Variants in PCDHA6 observed in about 807,000 individuals in gnomAD.
PCDHA6 encodes protocadherin alpha-6.
In PCDHA6, 55 loss-of-function variants were observed where a neutral mutation model predicts 60.3. That is an observed-to-expected ratio of 0.91 (90% confidence interval 0.73 to 1.14). The LOEUF (loss-of-function observed/expected upper bound fraction) is 1.14. Among genes scored for constraint, PCDHA6 ranks in the 50% most tolerant of loss-of-function variants. PCDHA6 has a pLI of 0.00. For synonymous variants in PCDHA6, 652 were observed against 557.9 expected, an observed-to-expected ratio of 1.17 and a Z score of -2.38; for missense variants, 1,327 against 1,256.5, an observed-to-expected ratio of 1.06 and a Z score of -0.85.
chr5:140,999,056 C>T (rs1256829495), intron 3 of PCDHA6, among the ~76,000 whole-genome samples: 4 of 152,212 alleles, frequency 2.6e-5, no homozygotes, highest in Non-Finnish European at 5.9e-5. Context: ...TCCACCATGC[C>T]TAAGTAGTCT....
intron 1 of PCDHA6, chr5:140,849,923 G>A (rs145904051): frequency 6.3e-7 from 1 of 1,598,322 alleles, no homozygotes; most frequent in Middle Eastern, 1.7e-4. Context: ...ACATCTTCAC[G>A]GTGTCTGCGC....
At position 140,871,409 on chromosome 5, in the gene PCDHA6, T is replaced by C. The variant is rs2053060094; in HGVS notation, c.2394+40924T>C. The C allele has an allele frequency of 1.2e-6, 2 of 1,613,974 alleles. No homozygotes were observed. Among genetic ancestry groups the C allele is most frequent in the African/African-American group, 1.3e-5 (1 of 74,954 alleles). On this transcript the variant is annotated intron_variant, in intron 1 of 3. Coordinates refer to ENST00000529310, the MANE Select transcript of PCDHA6 (RefSeq NM_018909.4). ...GAGGGCCCACCTAAGACGGACCTCATGGCCTTCAGCCCCAGTCTTCCTCTA... is the reference window on the plus strand; with the variant it reads ...GAGGGCCCACCTAAGACGGACCTCACGGCCTTCAGCCCCAGTCTTCCTCTA...
chr5:140,829,946 C>G lies in PCDHA6; in HGVS notation c.1855C>G (p.Arg619Gly). 4 of 1,613,986 alleles carry G rather than the reference C, an allele frequency of 2.5e-6. No homozygotes were observed. The highest frequency in any genetic ancestry group is 3.4e-6 in the Non-Finnish European group (4 of 1,179,914). Residue 619 changes from arginine (R) to glycine (G), a missense_variant, in exon 1 of 4, where the codon CGC becomes GGC. Transcript: ENST00000529310. ...GCTGCAGCCCCCGGCAAGCAGCGCT[C>G]GCTTCCCGTTTCGCGTGGGGCTGTA... ...YELQPPASSARFPFRVGLYTG... is the reference protein window; with the variant it reads ...YELQPPASSAGFPFRVGLYTG...
chr5:141,006,069 C>T (rs1588119997), intron 3 of PCDHA6, among the ~76,000 whole-genome samples: 1 of 148,482 alleles, frequency 6.7e-6, no homozygotes, highest in African/African-American at 2.5e-5. Flanking sequence ...AAATAAAAAT[C>T]AGATTATTGA....
chr5:140,857,656 G>C (rs1269090821), intron 1 of PCDHA6: 1 of 1,596,806 alleles, frequency 6.3e-7, no homozygotes, highest in Non-Finnish European at 8.6e-7. Flanking sequence ...AGGTGAGCGC[G>C]CGCGATGGGG....
intron 1 of PCDHA6, among the ~76,000 whole-genome samples, chr5:140,906,332 T>C (rs2072570393): frequency 6.6e-6 from 1 of 152,186 alleles, no homozygotes; most frequent in Non-Finnish European, 1.5e-5. Context: ...CAACTATCCT[T>C]CATACAACCA....
intron 1 of PCDHA6, chr5:140,871,292 C>G: frequency 1.2e-6 from 2 of 1,613,890 alleles, no homozygotes; most frequent in Non-Finnish European, 8.5e-7. Context: ...ACTGAGGGCG[C>G]GTGCGCGCCG....
intron 1 of PCDHA6, among the ~76,000 whole-genome samples, chr5:140,887,248 C>T (rs1232310514): frequency 6.6e-6 from 1 of 152,046 alleles, no homozygotes; most frequent in Non-Finnish European, 1.5e-5. Flanking sequence ...CGGCGCCCGC[C>T]ACCACGCCCT....
chr5:140,882,859 G>A (rs2059337136), intron 1 of PCDHA6: 1 of 1,614,192 alleles, frequency 6.2e-7, no homozygotes, highest in East Asian at 2.2e-5. Context: ...TTGTACTGAG[G>A]AAAACACTGG....
At position 140,852,588 on chromosome 5, in the gene PCDHA6, T is replaced by G. The variant is rs2150519378; in HGVS notation, c.2394+22103T>G. 150 of 881,406 alleles carry G rather than the reference T, an allele frequency of 1.7e-4. 16 individuals are homozygous for G. The highest frequency in any genetic ancestry group is 2.0e-4 in the Non-Finnish European group (145 of 723,694). 54.6% of individuals were successfully genotyped at this position (881,406 alleles called of 1,614,324 possible). A position where few individuals can be genotyped will look rare whatever the true frequency, so the allele number is the denominator to read the frequency against. On this transcript the variant is annotated intron_variant, in intron 1 of 3. Transcript: ENST00000529310. ...ACTGTGCCAAGGCTTTTTTATTTTT[T>G]TTTTTTGTCATTTTCTTTCAAAACT...
At chr5:140,860,253 G>C (rs1278193259) in intron 1 of PCDHA6, 1 of 151,492 alleles carries the variant, frequency 6.6e-6, no homozygotes, top group Non-Finnish European at 1.5e-5. Flanking sequence ...CATGCCTTTA[G>C]TCCCTACTGT....
At position 140,830,355 on chromosome 5, in the gene PCDHA6, G is replaced by T. The variant is rs2150185270; in HGVS notation, c.2264G>T (p.Arg755Leu). The T allele has an allele frequency of 1.8e-5, 29 of 1,614,002 alleles. No individual in the cohort carries two copies. The African/African-American group carries it at 2.7e-4, about 15-fold the overall frequency. ...AGCTGGTCGTACTCGCAGCAGAGGC[G>T]GCAGAGGGTGTGCTCCGGGGAGGGC... ...VGSWSYSQQR[R>L]QRVCSGEGPP... Residue 755 changes from arginine to leucine, a missense_variant, in exon 1 of 4, where the codon CGG becomes CTG. Arg to Leu is a moderately radical substitution (Grantham distance 102). Coordinates refer to ENST00000529310, the MANE Select transcript of PCDHA6 (RefSeq NM_018909.4).
intron 1 of PCDHA6, among the ~76,000 whole-genome samples, chr5:140,923,304 G>A (rs933906504): frequency 6.6e-6 from 1 of 152,172 alleles, no homozygotes; most frequent in African/African-American, 2.4e-5. Context: ...TGGGCGTGGG[G>A]GCGCTTGGCC....
At chr5:140,961,083 T>C (rs1470868954) in intron 1 of PCDHA6, among the ~76,000 whole-genome samples, 1 of 152,198 alleles carries the variant, frequency 6.6e-6, no homozygotes, top group Non-Finnish European at 1.5e-5. Context: ...ATCAAGTAAT[T>C]GTTGACTTTT....
At chr5:140,844,093 C>A (rs2150368688) in intron 1 of PCDHA6, among the ~76,000 whole-genome samples, 1 of 149,604 alleles carries the variant, frequency 6.7e-6, no homozygotes, top group African/African-American at 2.4e-5. Context: ...AACTCTTAAT[C>A]TTACTCCATA....
chr5:140,883,096 T>G (rs2059436763), intron 1 of PCDHA6: 1 of 1,614,006 alleles, frequency 6.2e-7, no homozygotes, highest in Non-Finnish European at 8.5e-7. Flanking sequence ...CAAATGGAGA[T>G]ATAGTTTACT....
At chr5:140,916,933 A>G (rs1554197692) in intron 1 of PCDHA6, among the ~76,000 whole-genome samples, 3 of 152,162 alleles carry the variant, frequency 2.0e-5, no homozygotes, top group Non-Finnish European at 4.4e-5. Context: ...ACTTAAGCAT[A>G]TAGTGGTGAG....
Position 140,870,925 on chromosome 5 carries a change from T to C in PCDHA6, c.2394+40440T>C, listed in dbSNP as rs1554164841. 8 of 1,613,916 alleles carry C rather than the reference T, an allele frequency of 5.0e-6. No homozygotes were observed. In the Admixed American group the frequency reaches 8.3e-5, roughly 17 times the overall value. On this transcript the variant is annotated intron_variant, in intron 1 of 3. Transcript: ENST00000529310. Reference sequence around the variant, plus strand: ...CTCAGGCTACAACGCGTGGCTTTCATATGAATTGCAGCCGGCGGCGGGCGG... The same window carrying C: ...CTCAGGCTACAACGCGTGGCTTTCACATGAATTGCAGCCGGCGGCGGGCGG...
At chr5:140,874,647 G>T (rs2055047919) in intron 1 of PCDHA6, among the ~76,000 whole-genome samples, 1 of 152,200 alleles carries the variant, frequency 6.6e-6, no homozygotes, top group Non-Finnish European at 1.5e-5. Context: ...ACTTTTGCTA[G>T]AGTAAAACTT....
Sources: gnomAD v4.1 joint callset for allele counts (sites outside exome capture counted in the v4.1 genomes callset) on GRCh38, gnomAD v4.1.1 for gene constraint, MANE v1.5 for transcripts, NCBI Gene and HGNC (gene_info 2026-07-23, HGNC 2026-07-21) for gene names.